RUNX2: variants seen among roughly 807,000 people sequenced by gnomAD.
The protein encoded by RUNX2 is runt-related transcription factor 2.
RUNX2 carries 10 observed loss-of-function variants against 51.7 expected under a neutral mutation model. That is an observed-to-expected ratio of 0.19 (90% CI 0.12 to 0.33). The LOEUF (loss-of-function observed/expected upper bound fraction) is 0.33. RUNX2 is among the 10% of genes least tolerant of loss of function. The pLI is 1.00. For synonymous variants in RUNX2, 276 were observed against 273.6 expected (o/e 1.01, Z -0.09); for missense variants, 562 against 691.3 (o/e 0.81, Z 2.10).
intron 7 of RUNX2, among the ~76,000 whole-genome samples, chr6:45,517,184 A>G (rs1457849994): frequency 6.6e-6 from 1 of 151,918 alleles, no homozygotes; most frequent in Non-Finnish European, 1.5e-5. Flanking sequence ...AGGTCACTAT[A>G]GATTTTTTTT....
chr6:45,476,331 C>T (rs371297656), intron 5 of RUNX2, among the ~76,000 whole-genome samples: 3 of 151,392 alleles, frequency 2.0e-5, no homozygotes, highest in Non-Finnish European at 4.4e-5. Flanking sequence ...ATTCAAGGAG[C>T]CTTTGGGGAG....
Position 45,328,692 on chromosome 6 carries a change from G to C in RUNX2, c.-35G>C, listed in dbSNP as rs1024670298. The C allele has an allele frequency of 6.2e-7, 1 of 1,611,594 alleles. No individual in the cohort carries two copies. Among genetic ancestry groups the C allele is most frequent in the Non-Finnish European group, 8.5e-7 (1 of 1,178,430 alleles). On this transcript the variant is annotated 5_prime_UTR_variant, in exon 2 of 9. Transcript: ENST00000647337. ...GCTGCAAGCAGTATTTACAACAGAG[G>C]GTACAAGTTCTATCTGAAAAAAAAA... is the stretch of plus-strand genomic sequence containing the variant.
At chr6:45,541,477 A>G (rs1003978733) in intron 7 of RUNX2, among the ~76,000 whole-genome samples, 2 of 152,226 alleles carry the variant, frequency 1.3e-5, no homozygotes, top group African/African-American at 2.4e-5. Context: ...TGTGTATTAC[A>G]TGTTCCAATA....
chr6:45,427,958 G>A (rs1317621099), intron 3 of RUNX2, among the ~76,000 whole-genome samples: 1 of 152,092 alleles, frequency 6.6e-6, no homozygotes, highest in Non-Finnish European at 1.5e-5. Flanking sequence ...CTAAATAAAG[G>A]AACGTCTTTC....
At chr6:45,492,852 A>G (rs1170396173) in intron 6 of RUNX2, among the ~76,000 whole-genome samples, 6 of 152,236 alleles carry the variant, frequency 3.9e-5, no homozygotes, top group Non-Finnish European at 5.9e-5. Context: ...AAGAGAGTGT[A>G]TTAATTATTA....
chr6:45,506,179 C>T (rs1800961715), intron 6 of RUNX2, among the ~76,000 whole-genome samples: 2 of 152,136 alleles, frequency 1.3e-5, no homozygotes, highest in Non-Finnish European at 2.9e-5. Flanking sequence ...CCCCTTTCTT[C>T]CTGGGTTCAT....
rs755642283 is a variant in RUNX2 at position 45,549,001 on chromosome 6, C to T, written c.*1696C>T. The T allele has an allele frequency of 1.2e-4, 48 of 397,816 alleles. No individual in the cohort carries two copies. Among genetic ancestry groups the T allele is most frequent in the Middle Eastern group, 6.2e-4 (1 of 1,604 alleles). 24.6% of individuals were successfully genotyped at this position (397,816 alleles called of 1,614,324 possible). A position where few individuals can be genotyped will look rare whatever the true frequency, so the allele number is the denominator to read the frequency against. On this transcript the variant is annotated 3_prime_UTR_variant, in exon 9 of 9. Transcript: ENST00000647337. ...ACGGGGACCTACAGACAGCCTTTGA[C>T]ATTTGTATTTCTTACAATGGAGGGC...
chr6:45,547,267 A>G lies in RUNX2; in HGVS notation c.1528A>G (p.Ser510Gly). 1.2e-6 allele frequency: 2 copies of G among 1,614,208 alleles called. No homozygotes were observed. The highest frequency in any genetic ancestry group is 1.3e-5 in the African/African-American group (1 of 75,054). Residue 510 changes from serine (S) to glycine (G), a missense_variant, in exon 9 of 9, where the codon AGT (serine) becomes GGT (glycine). Ser to Gly is a moderately conservative substitution (Grantham distance 56). Transcript: ENST00000647337. ...HSSSPTVLNS[S>G]GRMDESVWRP... ...CAGTTCCCCAACTGTTTTGAATTCT[A>G]GTGGCAGAATGGATGAATCTGTTTG...
intron 6 of RUNX2, among the ~76,000 whole-genome samples, chr6:45,508,833 G>A (rs895020614): frequency 6.6e-6 from 1 of 152,112 alleles, no homozygotes; most frequent in Non-Finnish European, 1.5e-5. Context: ...AGAAATTAGA[G>A]AATTACTAAT....
chr6:45,481,965 A>T (rs1800129659), intron 5 of RUNX2, among the ~76,000 whole-genome samples: 1 of 152,202 alleles, frequency 6.6e-6, no homozygotes, highest in Admixed American at 6.5e-5. Context: ...GTAAGGAGGG[A>T]TGGAAGCATC....
intron 5 of RUNX2, among the ~76,000 whole-genome samples, chr6:45,456,139 T>C (rs1323500647): frequency 6.6e-6 from 1 of 152,214 alleles, no homozygotes; most frequent in Non-Finnish European, 1.5e-5. Context: ...TAAAAAGTCA[T>C]TTGAAACTCA....
At chr6:45,338,321 A>G (rs892859847) in intron 2 of RUNX2, among the ~76,000 whole-genome samples, 4 of 150,980 alleles carry the variant, frequency 2.6e-5, no homozygotes, top group African/African-American at 4.8e-5. Context: ...ACAACTTTTG[A>G]GCATTTCCAG....
At chr6:45,506,122 C>T (rs990111753) in intron 6 of RUNX2, among the ~76,000 whole-genome samples, 2 of 152,140 alleles carry the variant, frequency 1.3e-5, no homozygotes, top group African/African-American at 2.4e-5. Flanking sequence ...ATAGCCTTCC[C>T]TTTATTCCTG....
At chr6:45,535,556 A>T (rs1364776526) in intron 7 of RUNX2, among the ~76,000 whole-genome samples, 1 of 151,778 alleles carries the variant, frequency 6.6e-6, no homozygotes, top group East Asian at 1.9e-4. Flanking sequence ...GTGAGCCGAG[A>T]TTGCGCCACT....
chr6:45,378,676 G>A (rs1179850957), intron 2 of RUNX2, among the ~76,000 whole-genome samples: 1 of 91,894 alleles, frequency 1.1e-5, no homozygotes, highest in Non-Finnish European at 2.3e-5. Flanking sequence ...TTTTTTTTTT[G>A]GACGATTCTG....
chr6:45,465,907 A>G (rs1027593172), intron 5 of RUNX2, among the ~76,000 whole-genome samples: 3 of 151,980 alleles, frequency 2.0e-5, no homozygotes, highest in African/African-American at 4.8e-5. Context: ...TGGCCTCTCA[A>G]ATTTCTGGGA....
chr6:45,366,053 T>A (rs1795082653), intron 2 of RUNX2, among the ~76,000 whole-genome samples: 1 of 152,164 alleles, frequency 6.6e-6, no homozygotes, highest in Non-Finnish European at 1.5e-5. Context: ...AACATTAAAA[T>A]AATGTCATGA....
At chr6:45,350,622 A>G (rs914897430) in intron 2 of RUNX2, among the ~76,000 whole-genome samples, 1 of 152,192 alleles carries the variant, frequency 6.6e-6, no homozygotes, top group Admixed American at 6.5e-5. Flanking sequence ...ACTAACTTCA[A>G]AGCAAATAAT....
intron 5 of RUNX2, among the ~76,000 whole-genome samples, chr6:45,491,543 A>G (rs546003337): frequency 2.6e-5 from 4 of 151,708 alleles, no homozygotes; most frequent in Admixed American, 2.6e-4. Context: ...GCTAACATGC[A>G]CGGACTCTCT....
Sources: allele counts gnomAD v4.1 joint callset (sites outside exome capture counted in the v4.1 genomes callset), GRCh38; gene constraint gnomAD v4.1.1; transcripts MANE v1.5; gene names NCBI Gene and HGNC (gene_info 2026-07-23, HGNC 2026-07-21).